MED13L: variants seen among roughly 807,000 people sequenced by gnomAD.
MED13L encodes the protein mediator complex subunit 13L, also known as mediator of RNA polymerase II transcription subunit 13-like.
A neutral mutation model predicts 220.9 loss-of-function variants in MED13L; 7 were observed. That is an observed-to-expected ratio of 0.03 (90% CI 0.02 to 0.06). The LOEUF (loss-of-function observed/expected upper bound fraction) is 0.06, where lower values mean the gene tolerates loss of function less well. Among genes scored for constraint, MED13L ranks in the 10% least tolerant of loss-of-function variants. The pLI is 1.00. For missense variants in MED13L, 1,965 were observed against 2,760.5 expected (o/e 0.71, Z 6.46); for synonymous variants, 1,011 against 1,015.2 (o/e 1.00, Z 0.08).
At chr12:116,200,952 A>T (rs1416556201) in intron 2 of MED13L, among the ~76,000 whole-genome samples, 1 of 152,186 alleles carries the variant, frequency 6.6e-6, no homozygotes, top group Admixed American at 6.5e-5. Context: ...TAAAACAGAT[A>T]CAGATCAGAT....
intron 29 of MED13L, among the ~76,000 whole-genome samples, chr12:115,964,929 G>A (rs1216402694): frequency 6.6e-6 from 1 of 152,120 alleles, no homozygotes; most frequent in Non-Finnish European, 1.5e-5. Flanking sequence ...TCAGCAGACA[G>A]AGCTAAAAAA....
At chr12:116,017,938 CTT>C (rs1006266658) in intron 7 of MED13L, among the ~76,000 whole-genome samples, 23 of 144,360 alleles carry the variant, frequency 1.6e-4, no homozygotes, top group Admixed American at 1.4e-4. Flanking sequence ...TTCTTTTCTT[CTT>C]TTTTTTTTTT....
chr12:116,260,972 C>T (rs1872471555), intron 1 of MED13L, among the ~76,000 whole-genome samples: 1 of 152,108 alleles, frequency 6.6e-6, no homozygotes, highest in Non-Finnish European at 1.5e-5. Flanking sequence ...TTACCCTTCC[C>T]CTGCCCACCT....
At chr12:116,197,073 C>A (rs1159843265) in intron 2 of MED13L, among the ~76,000 whole-genome samples, 1 of 152,178 alleles carries the variant, frequency 6.6e-6, no homozygotes, top group East Asian at 1.9e-4. Context: ...CAAGACAAAG[C>A]ATACTCTTTG....
chr12:116,051,626 G>T (rs944900390), intron 4 of MED13L, among the ~76,000 whole-genome samples: 20 of 152,148 alleles, frequency 1.3e-4, no homozygotes, highest in African/African-American at 4.8e-4. Context: ...GATATATTGG[G>T]AATGAGACCC....
chr12:116,245,115 A>C (rs1870985442), intron 1 of MED13L, among the ~76,000 whole-genome samples: 1 of 152,212 alleles, frequency 6.6e-6, no homozygotes, highest in Admixed American at 6.5e-5. Context: ...ACTGCAGGAC[A>C]CAGGCAAACT....
intron 4 of MED13L, among the ~76,000 whole-genome samples, chr12:116,060,831 C>A (rs117388034): frequency 6.6e-6 from 1 of 151,970 alleles, no homozygotes; most frequent in African/African-American, 2.4e-5. Context: ...ACTTGCTTTA[C>A]GGAGCTTTGA....
intron 4 of MED13L, among the ~76,000 whole-genome samples, chr12:116,058,876 T>C (rs546728492): frequency 4.6e-5 from 7 of 152,312 alleles, no homozygotes; most frequent in African/African-American, 1.4e-4. Flanking sequence ...GACTCACGAC[T>C]ATATATGTAA....
At chr12:116,136,886 G>T (rs1876602462) in intron 2 of MED13L, among the ~76,000 whole-genome samples, 1 of 152,110 alleles carries the variant, frequency 6.6e-6, no homozygotes, top group Non-Finnish European at 1.5e-5. Context: ...ATGAACATTT[G>T]ATTTTCCTGA....
At chr12:115,964,850 C>T (rs938857625) in intron 29 of MED13L, among the ~76,000 whole-genome samples, 10 of 152,160 alleles carry the variant, frequency 6.6e-5, no homozygotes, top group African/African-American at 2.2e-4. Context: ...ACCACAGTTC[C>T]TTTAAATGAC....
chr12:116,077,718 T>A (rs769434834), intron 4 of MED13L, among the ~76,000 whole-genome samples: 1 of 152,210 alleles, frequency 6.6e-6, no homozygotes, highest in South Asian at 2.1e-4. Context: ...ATAGAAGACT[T>A]ACTTTCTCAC....
chr12:116,168,236 A>G (rs985158655), intron 2 of MED13L, among the ~76,000 whole-genome samples: 4 of 152,234 alleles, frequency 2.6e-5, no homozygotes, highest in Non-Finnish European at 4.4e-5. Context: ...TTAAATTAAT[A>G]ATGAGAACAA....
chr12:116,219,738 C>T (rs1385707764), intron 2 of MED13L, among the ~76,000 whole-genome samples: 1 of 152,052 alleles, frequency 6.6e-6, no homozygotes, highest in Non-Finnish European at 1.5e-5. Context: ...CTTTTAATGC[C>T]AAAAGCCATT....
chr12:116,215,357 C>T (rs1053580674), intron 2 of MED13L, among the ~76,000 whole-genome samples: 1 of 152,172 alleles, frequency 6.6e-6, no homozygotes, highest in African/African-American at 2.4e-5. Context: ...ACCTTCAAAG[C>T]CTTTGTCCAC....
intron 4 of MED13L, among the ~76,000 whole-genome samples, chr12:116,091,812 A>T (rs376491662): frequency 6.6e-6 from 1 of 152,196 alleles, no homozygotes; most frequent in African/African-American, 2.4e-5. Flanking sequence ...ACAGCTGATC[A>T]ATCTTGAAAC....
intron 1 of MED13L, among the ~76,000 whole-genome samples, chr12:116,259,668 C>T (rs1338852395): frequency 1.3e-5 from 2 of 152,070 alleles, no homozygotes; most frequent in Non-Finnish European, 2.9e-5. Context: ...GTGTGATTTA[C>T]ACATGCTCTG....
intron 4 of MED13L, among the ~76,000 whole-genome samples, chr12:116,049,446 T>G (rs1425896492): frequency 6.6e-6 from 1 of 152,240 alleles, no homozygotes; most frequent in Non-Finnish European, 1.5e-5. Flanking sequence ...TGAGTACACT[T>G]CTTTCACCTT....
rs377383459 is a variant in MED13L, at chr12:115,986,276, G to T, written c.4328C>A (p.Ala1443Asp). 11 of 1,613,914 alleles carry T rather than the reference G, an allele frequency of 6.8e-6. No homozygotes were observed. The highest frequency in any genetic ancestry group is 7.6e-6 in the Non-Finnish European group (9 of 1,179,844). The stretch of plus-strand genomic sequence containing the variant: ...CAGTAACTTCCTCACCTCGTATACA[G>T]CACTCAAGTCCCTGAAGAAAGTTTT... Reference protein sequence around the residue: ...GAKTFFRDLSAVYEMCRLGQH... With the variant: ...GAKTFFRDLSDVYEMCRLGQH... Residue 1443 changes from alanine (A) to aspartate (D), a missense_variant, in exon 19 of 31, where the codon GCT becomes GAT. Coordinates refer to ENST00000281928, the MANE Select transcript of MED13L (RefSeq NM_015335.5).
At position 115,969,059 on chromosome 12, in the gene MED13L, C is replaced by A; in HGVS notation, c.6106G>T (p.Asp2036Tyr). ...FVDLPFPDDMDNDIGILMTGN... is the reference protein window; with the variant it reads ...FVDLPFPDDMYNDIGILMTGN... ...GTCATTAATATGCCAATATCATTGTCCATATCATCTGGGAATGGAAGGTCA... is the reference window on the plus strand; with the variant it reads ...GTCATTAATATGCCAATATCATTGTACATATCATCTGGGAATGGAAGGTCA... Residue 2036 changes from aspartate (D) to tyrosine (Y), a missense_variant, in exon 28 of 31, where the codon GAC (aspartate) becomes TAC (tyrosine). By Grantham distance (160) the Asp-to-Tyr change is radical. Around this residue, in one of 10 missense-constraint regions of MED13L, gnomAD observed 145 missense variants for 328.3 expected, o/e 0.44. Transcript: ENST00000281928. The A allele has an allele frequency of 6.2e-7, 1 of 1,613,890 alleles. No individual in the cohort carries two copies. Among genetic ancestry groups the A allele is most frequent in the Non-Finnish European group, 8.5e-7 (1 of 1,179,912 alleles).
Sources: allele counts gnomAD v4.1 joint callset (sites outside exome capture counted in the v4.1 genomes callset), GRCh38; gene constraint gnomAD v4.1.1; regional missense constraint gnomAD v4.1.1; transcripts MANE v1.5; gene names NCBI Gene and HGNC (gene_info 2026-07-23, HGNC 2026-07-21).